UPK1B: variants seen among roughly 807,000 people sequenced by gnomAD.
UPK1B encodes uroplakin 1B.
Under a neutral mutation model 34.2 loss-of-function variants are expected in UPK1B, and 28 were observed. That is an observed-to-expected ratio of 0.82 (90% CI 0.61 to 1.12). The LOEUF (loss-of-function observed/expected upper bound fraction) is 1.12, where lower values mean the gene tolerates loss of function less well. Ranked by LOEUF, UPK1B falls within the 50% of genes most tolerant of loss-of-function variation. UPK1B has a pLI of 0.00. For missense variants in UPK1B, 325 were observed against 320.9 expected (o/e 1.01, Z -0.10); for synonymous variants, 81 against 110.4 (o/e 0.73, Z 1.67).
In UPK1B at chr3:119,190,992, A is replaced by G; in HGVS notation, c.356A>G (p.Asn119Ser). The change falls in exon 5 of 8, where the codon AAC becomes AGC. Residue 119 changes from asparagine to serine, a missense_variant. Physicochemically the swap from Asn to Ser is conservative, Grantham distance 46. Coordinates refer to ENST00000264234, the MANE Select transcript of UPK1B (RefSeq NM_006952.4). ...AATQQDFFTP[N>S]LFLKQMLERY... Reference sequence around the variant, plus strand: ...CTCTTCCTACTATAGTTCACACCCAACCTCTTCCTGAAGCAGATGCTAGAG... The same window carrying G: ...CTCTTCCTACTATAGTTCACACCCAGCCTCTTCCTGAAGCAGATGCTAGAG... The G allele has an allele frequency of 6.2e-7, 1 of 1,613,756 alleles. No homozygotes were observed.
intron 7 of UPK1B, among the ~76,000 whole-genome samples, chr3:119,202,508 A>G (rs1418951653): frequency 6.6e-6 from 1 of 152,226 alleles, no homozygotes; most frequent in Non-Finnish European, 1.5e-5. Context: ...TTATTATTTC[A>G]TTATCTCATT....
chr3:119,190,206 G>T, intron 3 of UPK1B, 39 bp from the exon 4 acceptor site: 1 of 1,468,378 alleles, frequency 6.8e-7, no homozygotes, highest in South Asian at 1.2e-5. Flanking sequence ...TCTTTGACGG[G>T]TAAATGTAAT....
At chr3:119,184,146 T>A (rs2078003554) in intron 1 of UPK1B, among the ~76,000 whole-genome samples, 1 of 152,166 alleles carries the variant, frequency 6.6e-6, no homozygotes, top group Admixed American at 6.5e-5. Context: ...TTTATCTGCG[T>A]TTTCCACCCT....
chr3:119,176,238 G>A (rs989568538), intron 1 of UPK1B: 1 of 152,114 alleles, frequency 6.6e-6, no homozygotes, highest in East Asian at 1.9e-4. Flanking sequence ...TGGTTTGTGT[G>A]TTCTCTGGTA....
rs768630679 is a variant in UPK1B at position 119,187,850 on chromosome 3, G to A, written c.145G>A (p.Ala49Thr). The change falls in exon 3 of 8, where the codon GCC becomes ACC. Residue 49 changes from alanine to threonine, a missense_variant. Ala to Thr is a moderately conservative substitution (Grantham distance 58, BLOSUM62 0). Transcript: ENST00000264234. ...DQHSLYPLLEATDNDDIYGAA... is the reference protein window; with the variant it reads ...DQHSLYPLLETTDNDDIYGAA... ...ACACAGCCTCTACCCACTGCTTGAA[G>A]CCACCGACAACGATGACATCTATGG... The A allele has an allele frequency of 1.9e-6, 3 of 1,614,020 alleles. No homozygotes were observed. In the Admixed American group the frequency reaches 5.0e-5, roughly 27 times the overall value.
chr3:119,201,684 A>C (rs2078091196), intron 7 of UPK1B, among the ~76,000 whole-genome samples: 1 of 152,194 alleles, frequency 6.6e-6, no homozygotes, highest in African/African-American at 2.4e-5. Flanking sequence ...TGAGTGAGGC[A>C]GGAAGGAGAG....
chr3:119,202,785 G>A (rs921916882), intron 7 of UPK1B, among the ~76,000 whole-genome samples: 3 of 152,180 alleles, frequency 2.0e-5, no homozygotes, highest in African/African-American at 7.2e-5. Context: ...AATACTAGAA[G>A]CAAGGAATGC....
At chr3:119,203,143 C>A (rs996414130) in intron 7 of UPK1B, among the ~76,000 whole-genome samples, 13 of 151,882 alleles carry the variant, frequency 8.6e-5, no homozygotes, top group Non-Finnish European at 1.9e-4. Flanking sequence ...GAGATCGAGA[C>A]CATCCTGGCT....
intron 7 of UPK1B, among the ~76,000 whole-genome samples, chr3:119,203,354 A>AC (rs1559905300): frequency 9.9e-5 from 14 of 141,878 alleles, no homozygotes; most frequent in Admixed American, 2.8e-4. Context: ...AAAAAAAAAA[A>AC]AAAAAAAAAA....
intron 4 of UPK1B, 132 bp from the exon 5 acceptor site, chr3:119,190,850 G>T (rs2078040714): frequency 7.8e-7 from 1 of 1,277,726 alleles, no homozygotes; most frequent in Non-Finnish European, 1.1e-6. Flanking sequence ...GCTGTACTTG[G>T]TGCCTCTGAG....
chr3:119,174,466 G>T (rs1393248888), intron 1 of UPK1B, among the ~76,000 whole-genome samples: 1 of 152,138 alleles, frequency 6.6e-6, no homozygotes, highest in Non-Finnish European at 1.5e-5. Context: ...AGCCATTTAA[G>T]AATTCGTAGC....
chr3:119,198,021 G>A (rs1376801768), intron 6 of UPK1B, among the ~76,000 whole-genome samples: 1 of 152,188 alleles, frequency 6.6e-6, no homozygotes, highest in Non-Finnish European at 1.5e-5. Flanking sequence ...GTATGACAAA[G>A]TCAGAATGAG....
At chr3:119,199,653 C>A (rs73854429) in intron 7 of UPK1B, among the ~76,000 whole-genome samples, 1 of 152,176 alleles carries the variant, frequency 6.6e-6, no homozygotes, top group African/African-American at 2.4e-5. Flanking sequence ...CACATTAAAA[C>A]GCCATGGGGA....
intron 6 of UPK1B, among the ~76,000 whole-genome samples, chr3:119,196,991 A>G (rs1221950479): frequency 6.6e-6 from 1 of 150,704 alleles, no homozygotes; most frequent in Non-Finnish European, 1.5e-5. Flanking sequence ...ACAGGCATGT[A>G]CCACCAGGCC....
chr3:119,201,211 T>C (rs982469528), intron 7 of UPK1B, among the ~76,000 whole-genome samples: 1 of 152,234 alleles, frequency 6.6e-6, no homozygotes, highest in Non-Finnish European at 1.5e-5. Flanking sequence ...TAAATTCTCA[T>C]TGTTATTCAG....
At chr3:119,190,194 GCT>G (rs1481479243) in intron 3 of UPK1B, 49 bp from the exon 4 acceptor site, 3 of 1,379,472 alleles carry the variant, frequency 2.2e-6, no homozygotes, top group Non-Finnish European at 3.0e-6. Flanking sequence ...TGGGCAAGTC[GCT>G]CTTTGACGGG....
chr3:119,179,244 TTG>T (rs2077973902), intron 1 of UPK1B, among the ~76,000 whole-genome samples: 11 of 149,954 alleles, frequency 7.3e-5, no homozygotes, highest in African/African-American at 2.4e-4. Context: ...GGAGGATCAC[TTG>T]AGCCTAGGAA....
chr3:119,198,558 A>G (rs754789929), intron 6 of UPK1B, among the ~76,000 whole-genome samples: 7 of 152,250 alleles, frequency 4.6e-5, no homozygotes, highest in Non-Finnish European at 8.8e-5. Flanking sequence ...GAAATATAAC[A>G]TCAAATGAGA....
rs192805492 is a variant in UPK1B at position 119,198,421 on chromosome 3, C to T, written c.649-636C>T. On this transcript the variant is annotated intron_variant, in intron 6 of 7. Coordinates refer to ENST00000264234, the MANE Select transcript of UPK1B (RefSeq NM_006952.4). ...TTTGCACAGTGACTAGGATAGAGTG[C>T]GCCATGTATAAATACTTACTGGATT... 1.4e-3 allele frequency among the ~76,000 whole-genome samples: 207 copies of T among 152,214 alleles called. 1 individual carries two copies. Among genetic ancestry groups the T allele is most frequent in the African/African-American group, 4.6e-3 (191 of 41,526 alleles).
Sources: allele counts gnomAD v4.1 joint callset (sites outside exome capture counted in the v4.1 genomes callset), GRCh38; gene constraint gnomAD v4.1.1; transcripts MANE v1.5; gene names NCBI Gene and HGNC (gene_info 2026-07-23, HGNC 2026-07-21).